The following RPRD1A variants were observed in gnomAD, a reference collection of about 807,000 sequenced individuals.
RPRD1A encodes the protein regulation of nuclear pre-mRNA domain containing 1A.
In RPRD1A, 9 loss-of-function variants were observed where a neutral mutation model predicts 37.8. That is an observed-to-expected ratio of 0.24 (90% CI 0.14 to 0.42). The LOEUF (loss-of-function observed/expected upper bound fraction) is 0.42. Ranked by LOEUF, RPRD1A falls within the 10% of genes least tolerant of loss-of-function variation. RPRD1A has a pLI of 1.00. For missense variants in RPRD1A, 255 were observed against 371.0 expected (o/e 0.69, Z 2.57); for synonymous variants, 138 against 139.7 (o/e 0.99, Z 0.08).
At chr18:36,025,854 T>A (rs575477753) in intron 6 of RPRD1A, 114 of 269,824 alleles carry the variant, frequency 4.2e-4, no homozygotes, top group Non-Finnish European at 5.6e-4. Context: ...ATTCATCTTT[T>A]AAAAAAAAAA....
chr18:36,034,931 T>C (rs1276683827), intron 1 of RPRD1A, among the ~76,000 whole-genome samples: 2 of 152,236 alleles, frequency 1.3e-5, no homozygotes, highest in Non-Finnish European at 2.9e-5. Flanking sequence ...GATCAAACTT[T>C]ACAAACCTGT....
chr18:36,019,079 C>T (rs927085599), intron 6 of RPRD1A, among the ~76,000 whole-genome samples: 3 of 149,580 alleles, frequency 2.0e-5, no homozygotes, highest in African/African-American at 7.4e-5. Flanking sequence ...AAATAAGATC[C>T]AAAAGTGTAA....
In RPRD1A at chr18:36,027,619, T is replaced by C. The variant is rs8090319; in HGVS notation, c.487-309A>G. On this transcript the variant is annotated intron_variant, in intron 4 of 6. Coordinates refer to ENST00000399022, the MANE Select transcript of RPRD1A (RefSeq NM_018170.5). ...AATGAGGATTTATATGGCAAATACA[T>C]CAGTGGTGAAAGAGAAGGTAGGCTA... is the stretch of plus-strand genomic sequence containing the variant. 1,274 of 221,120 alleles carry C rather than the reference T, an allele frequency of 5.8e-3. 24 individuals are homozygous for C. Among genetic ancestry groups the C allele is most frequent in the African/African-American group, 0.027 (1,197 of 44,242 alleles). The allele number at this position is 221,120 out of a possible 1,614,324, so 13.7% of individuals were successfully genotyped here.
At position 36,048,255 on chromosome 18, in the gene RPRD1A, G is replaced by A. The variant is rs373086425; in HGVS notation, c.152-14418C>T. On this transcript the variant is annotated intron_variant, in intron 1 of 6. Transcript: ENST00000399022. ...CTAATTTTGTATTTTTAGTAGAGACGGGGTTTCTCAGTGTTGGTCAGGTGG... is the reference window on the plus strand; with the variant it reads ...CTAATTTTGTATTTTTAGTAGAGACAGGGTTTCTCAGTGTTGGTCAGGTGG... 4.9e-4 allele frequency among the ~76,000 whole-genome samples: 75 copies of A among 152,004 alleles called. 1 individual carries two copies. The highest frequency in any genetic ancestry group is 1.4e-3 in the African/African-American group (57 of 41,484).
intron 1 of RPRD1A, among the ~76,000 whole-genome samples, chr18:36,061,371 T>C (rs773380186): frequency 6.6e-6 from 1 of 152,200 alleles, no homozygotes; most frequent in Non-Finnish European, 1.5e-5. Context: ...CTTACAGTTT[T>C]GTTAAGACAC....
At chr18:36,049,818 T>C (rs961549249) in intron 1 of RPRD1A, among the ~76,000 whole-genome samples, 2 of 152,200 alleles carry the variant, frequency 1.3e-5, no homozygotes, top group Admixed American at 1.3e-4. Context: ...CTGGCTTTAT[T>C]CTTTAGGAGT....
intron 1 of RPRD1A, among the ~76,000 whole-genome samples, chr18:36,038,648 C>T: frequency 6.6e-6 from 1 of 152,214 alleles, no homozygotes; most frequent in East Asian, 1.9e-4. Flanking sequence ...CCACTGTCCT[C>T]CAGACCTCAG....
intron 6 of RPRD1A, among the ~76,000 whole-genome samples, chr18:36,021,898 G>A (rs1911021194): frequency 6.6e-6 from 1 of 152,150 alleles, no homozygotes. Flanking sequence ...CTACTCAGGA[G>A]GCTGAAGTGG....
intron 1 of RPRD1A, among the ~76,000 whole-genome samples, chr18:36,056,263 T>C (rs1568151554): frequency 1.3e-5 from 2 of 151,998 alleles, no homozygotes; most frequent in Non-Finnish European, 2.9e-5. Context: ...AGAACCCATA[T>C]AACATTCTTT....
At chr18:36,037,989 C>A (rs1912316732) in intron 1 of RPRD1A, among the ~76,000 whole-genome samples, 1 of 151,952 alleles carries the variant, frequency 6.6e-6, no homozygotes. Flanking sequence ...CAGGCATTCA[C>A]AAAGATACGG....
At chr18:36,043,152 C>T (rs1229897679) in intron 1 of RPRD1A, among the ~76,000 whole-genome samples, 1 of 124,004 alleles carries the variant, frequency 8.1e-6, no homozygotes, top group East Asian at 2.5e-4. Flanking sequence ...CACACACAAA[C>T]ACAGTAAACA....
chr18:36,025,903 T>C, intron 6 of RPRD1A: 1 of 290,668 alleles, frequency 3.4e-6, no homozygotes, highest in South Asian at 3.2e-5. Flanking sequence ...GGCAACCTCT[T>C]CAAAGGTATA....
Position 36,008,577 on chromosome 18 carries a change from G to GTGTGTATA in RPRD1A, c.790-15278_790-15277insTATACACA. Among the ~76,000 whole-genome samples the GTGTGTATA allele has an allele frequency of 1.7e-4, 8 of 47,782 alleles. 1 individual carries two copies. The highest frequency in any genetic ancestry group is 3.4e-4 in the Non-Finnish European group (8 of 23,518). The allele number at this position is 47,782 out of a possible 152,430, so 31.3% of individuals were successfully genotyped here. On this transcript the variant is annotated intron_variant, in intron 6 of 6. Coordinates refer to ENST00000399022, the MANE Select transcript of RPRD1A (RefSeq NM_018170.5). ...GGCGACACAGCAAGACCTTGTGTGTGTATATATATATATCTTTAAAAATCT... is the reference window on the plus strand; with the variant it reads ...GGCGACACAGCAAGACCTTGTGTGTGTGTGTATATATATATATATATCTTTAAAAATCT...
Position 36,023,089 on chromosome 18 carries a change from A to C in RPRD1A, c.789+3811T>G, listed in dbSNP as rs550246384. ...TTCTGCCACTTATAGATAAAAGAGC[A>C]ATTTTGACATTCAAGTCTCACTATT... On this transcript the variant is annotated intron_variant, in intron 6 of 6. Coordinates refer to ENST00000399022, the MANE Select transcript of RPRD1A (RefSeq NM_018170.5). 1.5e-4 allele frequency among the ~76,000 whole-genome samples: 23 copies of C among 152,376 alleles called. 1 individual carries two copies. In the South Asian group the frequency reaches 3.9e-3, roughly 26 times the overall value.
intron 6 of RPRD1A, among the ~76,000 whole-genome samples, chr18:35,999,263 A>C (rs1598594109): frequency 6.6e-6 from 1 of 152,208 alleles, no homozygotes; most frequent in African/African-American, 2.4e-5. Context: ...CTGTTTCCTC[A>C]ATCTACTTCC....
At chr18:35,997,545 C>A (rs147674721) in intron 6 of RPRD1A, among the ~76,000 whole-genome samples, 1 of 152,250 alleles carries the variant, frequency 6.6e-6, no homozygotes, top group East Asian at 1.9e-4. Context: ...TTTAGCTACA[C>A]GCTTTTAAAA....
chr18:36,056,643 T>C (rs1342554812), intron 1 of RPRD1A, among the ~76,000 whole-genome samples: 2 of 152,108 alleles, frequency 1.3e-5, no homozygotes, highest in African/African-American at 4.8e-5. Flanking sequence ...ATAAGTATTT[T>C]TAGAAATACA....
At chr18:36,004,694 G>GA (rs1598600473) in intron 6 of RPRD1A, among the ~76,000 whole-genome samples, 1 of 152,214 alleles carries the variant, frequency 6.6e-6, no homozygotes, top group East Asian at 1.9e-4. Context: ...TGAAATGAAA[G>GA]AAAAGAGATA....
chr18:36,027,344 T>C (rs781006952), intron 4 of RPRD1A, 34 bp from the exon 5 acceptor site: 15 of 1,611,272 alleles, frequency 9.3e-6, no homozygotes, highest in African/African-American at 8.0e-5. Context: ...CCAAAATAAA[T>C]TGAGCTTAAA....
Sources: allele counts gnomAD v4.1 joint callset (sites outside exome capture counted in the v4.1 genomes callset), GRCh38; gene constraint gnomAD v4.1.1; transcripts MANE v1.5; gene names NCBI Gene and HGNC (gene_info 2026-07-23, HGNC 2026-07-21).